The following TUBB4A variants were observed in gnomAD, a reference collection of about 807,000 sequenced individuals.
TUBB4A encodes the protein tubulin beta 4A class IVa, also known as tubulin beta-4A chain.
TUBB4A carries 13 observed loss-of-function variants against 35.1 expected under a neutral mutation model. The ratio of observed to expected loss-of-function variants is 0.37; its 90% CI spans 0.24 to 0.59. The LOEUF (loss-of-function observed/expected upper bound fraction) is 0.59, where lower values mean the gene tolerates loss of function less well. Ranked by LOEUF, TUBB4A falls within the 20% of genes least tolerant of loss-of-function variation. The pLI, the probability that TUBB4A is intolerant of heterozygous loss-of-function variation, is 0.71. For missense variants in TUBB4A, 299 were observed against 647.2 expected (o/e 0.46, Z 5.84); for synonymous variants, 279 against 272.4 (o/e 1.02, Z -0.24).
At chr19:6,502,400 G>T, upstream of TUBB4A, 1 of 624,686 alleles carries the variant, frequency 1.6e-6, no homozygotes, top group Non-Finnish European at 2.5e-6. Flanking sequence ...GTCCCGCCCC[G>T]GGATGATGGA....
rs1351475319 is a variant in TUBB4A at position 6,502,161 on chromosome 19, C to A, written c.52G>T (p.Ala18Ser). The change falls in exon 1 of 4, where the codon GCC becomes TCC. Residue 18 changes from alanine (A) to serine (S), a missense_variant. Ala to Ser is a moderately conservative substitution (Grantham distance 99, BLOSUM62 1). This residue lies in a region of TUBB4A where 123 missense variants were observed against 226.0 expected (regional missense o/e 0.54). Coordinates refer to ENST00000264071, the MANE Select transcript of TUBB4A (RefSeq NM_006087.4). ...GGGCCCCGTTCCCCGAGCACCTTGG[C>A]CCCGATCTGGTTGCCGCACTGGCCG... ...QAGQCGNQIG[A>S]KFWEVISDEH... is the part of the protein sequence containing the mutation. 2 of 1,576,066 alleles carry A rather than the reference C, an allele frequency of 1.3e-6. No homozygotes were observed. The highest frequency in any genetic ancestry group is 1.7e-6 in the Non-Finnish European group (2 of 1,169,134).
Position 6,494,859 on chromosome 19 carries a change from G to C in TUBB4A, c.*305C>G. On this transcript the variant is annotated 3_prime_UTR_variant, in exon 4 of 4. Transcript: ENST00000264071. Reference sequence around the variant, plus strand: ...GAGGTCAAAGGTGAAGCAGAAGTCAGGGGTGAAGGAAGGTCTGCAAAGTTA... The same window carrying C: ...GAGGTCAAAGGTGAAGCAGAAGTCACGGGTGAAGGAAGGTCTGCAAAGTTA... The C allele has an allele frequency of 2.0e-6, 1 of 500,360 alleles. No individual in the cohort carries two copies. Among genetic ancestry groups the C allele is most frequent in the Non-Finnish European group, 3.6e-6 (1 of 275,700 alleles). The allele number at this position is 500,360 out of a possible 1,614,324, so 31.0% of individuals were successfully genotyped here.
In TUBB4A at chr19:6,502,126, C is replaced by A. The variant is rs390530; in HGVS notation, c.57+30G>T. 0.069 allele frequency: 106,635 copies of A among 1,543,000 alleles called. 5,475 individuals carry two copies. Among genetic ancestry groups the A allele is most frequent in the East Asian group, 0.21 (8,255 of 39,606 alleles). On this transcript the variant is annotated intron_variant, in intron 1 of 3. Transcript: ENST00000264071. ...CCCGCGGTGCTCCCCGGGGCCGCCA[C>A]TGCCTCCCCGGGCCCCGTTCCCCGA... is the stretch of plus-strand genomic sequence containing the variant.
intron 3 of TUBB4A, among the ~76,000 whole-genome samples, chr19:6,498,272 G>A (rs1364267225): frequency 6.6e-6 from 1 of 151,626 alleles, no homozygotes; most frequent in Non-Finnish European, 1.5e-5. Context: ...AACAGCTAAC[G>A]TTTTCTTTCA....
rs927091285 is a variant in TUBB4A at position 6,494,913 on chromosome 19, T to C, written c.*251A>G. The C allele has an allele frequency of 1.4e-5, 8 of 578,962 alleles. No homozygotes were observed. The highest frequency in any genetic ancestry group is 1.1e-4 in the African/African-American group (6 of 53,172). The allele number at this position is 578,962 out of a possible 1,614,324, so 35.9% of individuals were successfully genotyped here. A position where few individuals can be genotyped will look rare whatever the true frequency, so the allele number is the denominator to read the frequency against. The stretch of plus-strand genomic sequence containing the variant: ...GTGCGGTTTCCAGAGTCAGAAGGGG[T>C]GAAGCGGGGCTCCTCCTGGGAATGT... On this transcript the variant is annotated 3_prime_UTR_variant, in exon 4 of 4. Transcript: ENST00000264071.
Position 6,501,625 on chromosome 19 carries a change from T to C in TUBB4A, c.58-2A>G. 1 of 1,612,310 alleles carries C rather than the reference T, an allele frequency of 6.2e-7. No homozygotes were observed. The highest frequency in any genetic ancestry group is 8.5e-7 in the Non-Finnish European group (1 of 1,178,830). On this transcript the variant is annotated splice_acceptor_variant, in intron 1 of 3. Coordinates refer to ENST00000264071, the MANE Select transcript of TUBB4A (RefSeq NM_006087.4). LOFTEE classifies it high-confidence loss of function. The surrounding 1 kb of genome is among the most constrained non-coding windows in gnomAD (Gnocchi z 4.2). Reference sequence around the variant, plus strand: ...TTCGTCACTGATAACCTCCCAAAACTAGAGAGAGAGGTGGTCGGAAGAGTT... The same window carrying C: ...TTCGTCACTGATAACCTCCCAAAACCAGAGAGAGAGGTGGTCGGAAGAGTT...
chr19:6,502,324 C>G, upstream of TUBB4A: 1 of 1,255,552 alleles, frequency 8.0e-7, no homozygotes, highest in Non-Finnish European at 1.0e-6. Context: ...CCTGCGCCCC[C>G]GGGAGCCGCT....
rs446199 is a variant in TUBB4A, at chr19:6,495,053, C to T, written c.*111G>A. 1 of 1,310,228 alleles carries T rather than the reference C, an allele frequency of 7.6e-7. No individual in the cohort carries two copies. Among genetic ancestry groups the T allele is most frequent in the East Asian group, 2.5e-5 (1 of 40,602 alleles). The allele number at this position is 1,310,228 out of a possible 1,614,324, so 81.2% of individuals were successfully genotyped here. ...GCTCCAAAGGTATTGTTAGGGTCAG[C>T]GGGGAGTCAGCCTTGGAGGGAAAGC... On this transcript the variant is annotated 3_prime_UTR_variant, in exon 4 of 4. Transcript: ENST00000264071. This position sits in a 1 kb window ranked among gnomAD's most constrained non-coding sequence, Gnocchi z 8.7.
In TUBB4A at chr19:6,501,903, A is replaced by G. The variant is rs1914551683; in HGVS notation, c.57+253T>C. On this transcript the variant is annotated intron_variant, in intron 1 of 3. Transcript: ENST00000264071. The surrounding 1 kb of genome is among the most constrained non-coding windows in gnomAD (Gnocchi z 4.2). ...GGCTCTTTGTGCGTGAGGAGGGGAC[A>G]GTGGCCCAGCTGTGGGCCCAGCTGT... 1.9e-5 allele frequency: 11 copies of G among 584,580 alleles called. No individual in the cohort carries two copies. The highest frequency in any genetic ancestry group is 4.6e-4 in the Middle Eastern group (1 of 2,196). The allele number at this position is 584,580 out of a possible 1,614,324, so 36.2% of individuals were successfully genotyped here.
intron 3 of TUBB4A, among the ~76,000 whole-genome samples, chr19:6,499,277 G>A (rs1284831162): frequency 6.6e-6 from 1 of 151,480 alleles, no homozygotes; most frequent in East Asian, 1.9e-4. Context: ...CTGCACTCCA[G>A]CCTGGGCAAC....
chr19:6,501,195 G>T lies in TUBB4A; in HGVS notation c.277+92C>A. Reference sequence around the variant, plus strand: ...CTGGTGCCCTGTCCACCCCATCTCTGGTCTGTGGGCCCCGGTGGTGGCTGT... The same window carrying T: ...CTGGTGCCCTGTCCACCCCATCTCTTGTCTGTGGGCCCCGGTGGTGGCTGT... On this transcript the variant is annotated intron_variant, in intron 3 of 3. Transcript: ENST00000264071. The surrounding 1 kb of genome is among the most constrained non-coding windows in gnomAD (Gnocchi z 4.2). The T allele has an allele frequency of 9.3e-7, 1 of 1,073,590 alleles. No homozygotes were observed. Among genetic ancestry groups the T allele is most frequent in the Non-Finnish European group, 1.4e-6 (1 of 733,750 alleles). 66.5% of individuals were successfully genotyped at this position (1,073,590 alleles called of 1,614,324 possible).
chr19:6,502,068 A>G (rs1914558764), intron 1 of TUBB4A, 88 bp downstream of exon 1: 1 of 1,382,200 alleles, frequency 7.2e-7, no homozygotes, highest in Non-Finnish European at 9.6e-7. Context: ...CTTTCCAAAG[A>G]CTCCCAGGTT....
rs766675620 is a variant in TUBB4A, at chr19:6,501,382, G to T, written c.182C>A (p.Pro61His). The change falls in exon 3 of 4, where the codon CCC (proline) becomes CAC (histidine). Residue 61 changes from proline (P) to histidine (H), a missense_variant. By Grantham distance (77) the Pro-to-His change is moderately conservative. This residue lies in a region of TUBB4A where 123 missense variants were observed against 226.0 expected (regional missense o/e 0.54). Transcript: ENST00000264071. The surrounding 1 kb of genome is among the most constrained non-coding windows in gnomAD (Gnocchi z 4.2). ...TTCCAGGTCCACCAGCACCGCTCTG[G>T]GGACATAATTTCCTCCTGCAGGGAA... ...YNEATGGNYV[P>H]RAVLVDLEPG... The T allele has an allele frequency of 1.9e-6, 3 of 1,613,788 alleles. No homozygotes were observed.
At chr19:6,498,682 C>T (rs1465172356) in intron 3 of TUBB4A, among the ~76,000 whole-genome samples, 1 of 152,206 alleles carries the variant, frequency 6.6e-6, no homozygotes, top group African/African-American at 2.4e-5. Context: ...TCACTTCCTT[C>T]AGGTCTCAGC....
chr19:6,497,652 T>C (rs1914310272), intron 3 of TUBB4A, among the ~76,000 whole-genome samples: 1 of 151,804 alleles, frequency 6.6e-6, no homozygotes, highest in South Asian at 2.1e-4. Flanking sequence ...ATTAGAATAT[T>C]GGCCAGGCGC....
At position 6,496,157 on chromosome 19, in the gene TUBB4A, G is replaced by A. The variant is rs61741669; in HGVS notation, c.342C>T (p.Asp114=). ...CCTTCCGGACTACGTCCAGGACAGC[G>A]TCCACCAGCTCTGCGCCCTCCGTGT... ...GHYTEGAELV[D]AVLDVVRKEA... is the part of the protein sequence containing the mutation. Residue 114 remains aspartate (D), a synonymous_variant, in exon 4 of 4, where the codon GAC becomes GAT. Transcript: ENST00000264071. The A allele has an allele frequency of 6.2e-3, 9,958 of 1,614,102 alleles. 541 individuals are homozygous for A. The African/African-American group carries it at 0.12, about 19-fold the overall frequency.
Position 6,501,127 on chromosome 19 carries a change from C to T in TUBB4A, c.277+160G>A. ...GCCCTCCTCAGGGCTCTCACAGTGG[C>T]CTGAGCATCCCCTCATCACAGCCCT... On this transcript the variant is annotated intron_variant, in intron 3 of 3. Coordinates refer to ENST00000264071, the MANE Select transcript of TUBB4A (RefSeq NM_006087.4). This position sits in a 1 kb window ranked among gnomAD's most constrained non-coding sequence, Gnocchi z 4.2. The T allele has an allele frequency of 3.3e-6, 2 of 604,604 alleles. No homozygotes were observed. Among genetic ancestry groups the T allele is most frequent in the Non-Finnish European group, 5.8e-6 (2 of 343,104 alleles). 37.5% of individuals were successfully genotyped at this position (604,604 alleles called of 1,614,324 possible).
At chr19:6,500,151 TG>T (rs1242856824) in intron 3 of TUBB4A, among the ~76,000 whole-genome samples, 1 of 152,110 alleles carries the variant, frequency 6.6e-6, no homozygotes, top group East Asian at 1.9e-4. Context: ...TTTTTAGAGA[TG>T]GGGTCTCACA....
At chr19:6,498,405 A>G (rs1429168881) in intron 3 of TUBB4A, among the ~76,000 whole-genome samples, 1 of 151,796 alleles carries the variant, frequency 6.6e-6, no homozygotes, top group Non-Finnish European at 1.5e-5. Flanking sequence ...CACAGTACCC[A>G]CGAGAGGACA....
Sources: gnomAD v4.1 joint callset for allele counts (sites outside exome capture counted in the v4.1 genomes callset) on GRCh38, gnomAD v4.1.1 for gene constraint, gnomAD v4.1.1 regional missense constraint, Gnocchi (gnomAD v3.1) non-coding constraint, MANE v1.5 for transcripts, NCBI Gene and HGNC (gene_info 2026-07-23, HGNC 2026-07-21) for gene names.